Variants in PRXL2C observed in about 807,000 individuals in gnomAD.
PRXL2C encodes peroxiredoxin-like 2C.
PRXL2C carries 38 observed loss-of-function variants against 24.9 expected under a neutral mutation model. That is an observed-to-expected ratio of 1.53 (90% CI 1.18 to 2.00). The LOEUF (loss-of-function observed/expected upper bound fraction) is 2.00. Among genes scored for constraint, PRXL2C ranks in the 30% most tolerant of loss-of-function variants. PRXL2C has a pLI of 0.00. For missense variants in PRXL2C, 294 were observed against 290.9 expected, an observed-to-expected ratio of 1.01 and a Z score of -0.08; for synonymous variants, 98 against 117.2, an observed-to-expected ratio of 0.84 and a Z score of 1.06.
At chr9:96,648,738 G>A (rs1485545375) in intron 4 of PRXL2C, among the ~76,000 whole-genome samples, 1 of 152,054 alleles carries the variant, frequency 6.6e-6, no homozygotes, top group African/African-American at 2.4e-5. Flanking sequence ...ATAGTGAGGT[G>A]TTACTAAAGT....
rs1848339415 is a variant in PRXL2C, at chr9:96,655,257, G to C, written c.25C>G (p.Arg9Gly). The C allele has an allele frequency of 9.1e-7, 1 of 1,101,704 alleles. No homozygotes were observed. Among genetic ancestry groups the C allele is most frequent in the Non-Finnish European group, 1.1e-6 (1 of 906,138 alleles). The allele number at this position is 1,101,704 out of a possible 1,614,324, so 68.2% of individuals were successfully genotyped here. MAAPAPVT[R>G]QVSGAAALVP... ...AGGGCGGCGGCGCCGCTAACCTGCC[G>C]CGTGACCGGGGCCGGCGCGGCCATG... Residue 9 changes from arginine (R) to glycine (G), a missense_variant, in exon 1 of 6, where the codon CGG (arginine) becomes GGG (glycine). Physicochemically the swap from Arg to Gly is moderately radical, Grantham distance 125 (BLOSUM62 -2). Transcript: ENST00000375234.
At position 96,641,886 on chromosome 9, in the gene PRXL2C, C is replaced by A; in HGVS notation, c.554G>T (p.Gly185Val). 2.7e-6 allele frequency: 4 copies of A among 1,482,996 alleles called. No individual in the cohort carries two copies. The highest frequency in any genetic ancestry group is 2.8e-5 in the South Asian group (2 of 70,596). The allele number at this position is 1,482,996 out of a possible 1,614,324, so 91.9% of individuals were successfully genotyped here. ...QQGGTLILGP[G>V]NNIHFIHRDR... ...GCGGTGTATAAAATGGATGTTGTTA[C>A]CTAGAAGAGAATAAGAATAAAAGGC... is the stretch of plus-strand genomic sequence containing the variant. Residue 185 changes from glycine to valine, a missense_variant and splice_region_variant, in exon 6 of 6, where the codon GGT (glycine) becomes GTT (valine). Coordinates refer to ENST00000375234, the MANE Select transcript of PRXL2C (RefSeq NM_153698.2).
chr9:96,641,166 A>G lies in PRXL2C; in HGVS notation c.*593T>C, dbSNP rs1404825096. Reference sequence around the variant, plus strand: ...TTAAAGACCTTTTCCTGGCCCTACAATATTAATCATGCTCATTATATAACA... The same window carrying G: ...TTAAAGACCTTTTCCTGGCCCTACAGTATTAATCATGCTCATTATATAACA... On this transcript the variant is annotated 3_prime_UTR_variant, in exon 6 of 6. Transcript: ENST00000375234. 1 of 152,230 alleles carries G rather than the reference A, an allele frequency of 6.6e-6. No individual in the cohort carries two copies. The highest frequency in any genetic ancestry group is 1.5e-5 in the Non-Finnish European group (1 of 68,056). The allele number at this position is 152,230 out of a possible 1,614,324, so 9.4% of individuals were successfully genotyped here. A position where few individuals can be genotyped will look rare whatever the true frequency, so the allele number is the denominator to read the frequency against.
At chr9:96,653,713 T>C (rs915805888) in intron 2 of PRXL2C, among the ~76,000 whole-genome samples, 3 of 152,222 alleles carry the variant, frequency 2.0e-5, no homozygotes, top group Non-Finnish European at 2.9e-5. Flanking sequence ...ATTATATATG[T>C]CAATTTTTAA....
At chr9:96,644,885 T>C (rs61226725) in intron 5 of PRXL2C, among the ~76,000 whole-genome samples, 804 of 69,922 alleles carry the variant, frequency 0.011, 11 homozygotes, top group African/African-American at 0.11. Flanking sequence ...TGGATTCTTT[T>C]TTTTTTTTTT....
At chr9:96,647,550 T>C (rs755797303) in intron 4 of PRXL2C, among the ~76,000 whole-genome samples, 1 of 152,150 alleles carries the variant, frequency 6.6e-6, no homozygotes, top group African/African-American at 2.4e-5. Context: ...AGAGACAGGG[T>C]CATGCTCTGT....
At chr9:96,651,746 T>A in intron 2 of PRXL2C, 34 bp from the exon 3 acceptor site, 1 of 1,541,540 alleles carries the variant, frequency 6.5e-7, no homozygotes, top group South Asian at 1.2e-5. Context: ...TATATATCAT[T>A]AGAAATTATG....
At position 96,655,019 on chromosome 9, in the gene PRXL2C, G is replaced by A. The variant is rs551566163; in HGVS notation, c.192+71C>T. 7.7e-4 allele frequency: 1,078 copies of A among 1,403,464 alleles called. 18 individuals carry two copies. In the East Asian group the frequency reaches 0.028, roughly 37 times the overall value. The allele number at this position is 1,403,464 out of a possible 1,614,324, so 86.9% of individuals were successfully genotyped here. ...GTTTCCGTCCTAAGAAGCAGGAGGC[G>A]CGGCTCGCATCCCGGCAGCCTGCCC... On this transcript the variant is annotated intron_variant, in intron 1 of 5. Transcript: ENST00000375234.
intron 5 of PRXL2C, 87 bp downstream of exon 5, chr9:96,645,806 A>C (rs927689996): frequency 2.1e-6 from 3 of 1,459,836 alleles, no homozygotes; most frequent in Middle Eastern, 2.6e-4. Flanking sequence ...CGAAAAAAAA[A>C]AAAAAGGAAA....
At chr9:96,651,760 G>T in intron 2 of PRXL2C, 48 bp from the exon 3 acceptor site, 2 of 1,487,536 alleles carry the variant, frequency 1.3e-6, no homozygotes, top group South Asian at 1.2e-5. Flanking sequence ...AATTATGCAT[G>T]TTTTATACAA....
intron 5 of PRXL2C, among the ~76,000 whole-genome samples, chr9:96,642,443 A>C (rs564348541): frequency 6.6e-6 from 1 of 152,302 alleles, no homozygotes; most frequent in African/African-American, 2.4e-5. Context: ...CAGATTTTAT[A>C]ATTTATAATC....
At chr9:96,654,589 A>T in intron 2 of PRXL2C, 116 bp downstream of exon 2, 1 of 868,508 alleles carries the variant, frequency 1.2e-6, no homozygotes, top group South Asian at 1.6e-5. Flanking sequence ...GGGTGGAGAG[A>T]GCTGCGGGGA....
At chr9:96,652,183 A>G (rs1474549118) in intron 2 of PRXL2C, among the ~76,000 whole-genome samples, 1 of 152,252 alleles carries the variant, frequency 6.6e-6, no homozygotes, top group African/African-American at 2.4e-5. Context: ...TCCAAAGTGT[A>G]AAAGAAATTC....
rs1413179596 is a variant in PRXL2C at position 96,640,131 on chromosome 9, CAA to C, written c.*1626_*1627del. On this transcript the variant is annotated 3_prime_UTR_variant, in exon 6 of 6. Transcript: ENST00000375234. Reference sequence around the variant, plus strand: ...AAAATTCTAGAAAAATGAAAGATAACAAGTCTCCCAAATAAGAGCAGTTTGAG... The same window carrying C: ...AAAATTCTAGAAAAATGAAAGATAACGTCTCCCAAATAAGAGCAGTTTGAG... 1 of 150,324 alleles carries C rather than the reference CAA, an allele frequency of 6.7e-6. No individual in the cohort carries two copies. The highest frequency in any genetic ancestry group is 1.5e-5 in the Non-Finnish European group (1 of 67,760). The allele number at this position is 150,324 out of a possible 1,614,324, so 9.3% of individuals were successfully genotyped here.
intron 4 of PRXL2C, among the ~76,000 whole-genome samples, chr9:96,646,570 T>G (rs1848203429): frequency 1.3e-5 from 2 of 152,168 alleles, no homozygotes; most frequent in Non-Finnish European, 2.9e-5. Context: ...TATTTTCCAG[T>G]CTTAGTTGCA....
At position 96,644,881 on chromosome 9, in the gene PRXL2C, CTTTTTTTTTTTTTTTTTT is replaced by C. The variant is rs530343244; in HGVS notation, c.553+994_553+1011del. On this transcript the variant is annotated intron_variant, in intron 5 of 5. Coordinates refer to ENST00000375234, the MANE Select transcript of PRXL2C (RefSeq NM_153698.2). ...TTAGGTATAAATAACTACATGGATT[CTTTTTTTTTTTTTTTTTT>C]TTTTTTTTTTTTTTTTTGAGGCAGA... Among the ~76,000 whole-genome samples the C allele has an allele frequency of 6.5e-4, 24 of 36,694 alleles. 3 individuals are homozygous for C. The highest frequency in any genetic ancestry group is 3.1e-3 in the East Asian group (2 of 650). 24.1% of individuals were successfully genotyped at this position (36,694 alleles called of 152,430 possible). A position where few individuals can be genotyped will look rare whatever the true frequency, so the allele number is the denominator to read the frequency against.
chr9:96,649,784 C>T (rs1848246082), intron 4 of PRXL2C, among the ~76,000 whole-genome samples: 1 of 151,980 alleles, frequency 6.6e-6, no homozygotes, highest in Non-Finnish European at 1.5e-5. Flanking sequence ...GACTGTCTCA[C>T]TTCTCTGCTT....
At chr9:96,651,609 T>C (rs1287105507) in intron 3 of PRXL2C, 50 bp downstream of exon 3, 1 of 1,566,062 alleles carries the variant, frequency 6.4e-7, no homozygotes, top group African/African-American at 1.4e-5. Context: ...GTAATTTTTA[T>C]GTCTGAAACA....
chr9:96,643,276 T>C (rs936723487), intron 5 of PRXL2C, among the ~76,000 whole-genome samples: 8 of 152,168 alleles, frequency 5.3e-5, no homozygotes, highest in African/African-American at 1.9e-4. Context: ...GGCAGTGTCT[T>C]GGTCTCTCGC....
Sources: gnomAD v4.1 joint callset for allele counts (sites outside exome capture counted in the v4.1 genomes callset) on GRCh38, gnomAD v4.1.1 for gene constraint, MANE v1.5 for transcripts, NCBI Gene and HGNC (gene_info 2026-07-23, HGNC 2026-07-21) for gene names.